ALG6: variants seen among roughly 807,000 people sequenced by gnomAD.
ALG6 encodes ALG6 alpha-1,3-glucosyltransferase.
In ALG6, 46 loss-of-function variants were observed where a neutral mutation model predicts 66.6. The observed-to-expected ratio is 0.69, with a 90% confidence interval of 0.55 to 0.88. The LOEUF is 0.88. Ranked by LOEUF, ALG6 falls within the 40% of genes least tolerant of loss-of-function variation. The pLI, the probability that ALG6 is intolerant of heterozygous loss-of-function variation, is 0.00. For synonymous variants in ALG6, 185 were observed against 203.7 expected (o/e 0.91, Z 0.78); for missense variants, 505 against 586.8 (o/e 0.86, Z 1.44).
At chr1:63,368,778 G>A (rs1414396729) in intron 1 of ALG6, among the ~76,000 whole-genome samples, 8 of 152,270 alleles carry the variant, frequency 5.3e-5, no homozygotes, top group African/African-American at 1.9e-4. Context: ...TGGGATTACA[G>A]GGGTGAACCA....
intron 2 of ALG6, among the ~76,000 whole-genome samples, chr1:63,395,113 C>G (rs1648780950): frequency 6.6e-6 from 1 of 151,898 alleles, no homozygotes; most frequent in African/African-American, 2.4e-5. Context: ...ATCTGCTCAC[C>G]TCGGCCTCCC....
rs370816664 is a variant in ALG6, at chr1:63,416,244, A to G, written c.987+287A>G. 1.9e-3 allele frequency among the ~76,000 whole-genome samples: 292 copies of G among 152,286 alleles called. 12 individuals are homozygous for G. In the South Asian group the frequency reaches 0.059, roughly 31 times the overall value. ...CTTAAGTAGCTTAAATAGTTATGCTATAAAACAGATGGTATTAAGTTCTAT... is the reference window on the plus strand; with the variant it reads ...CTTAAGTAGCTTAAATAGTTATGCTGTAAAACAGATGGTATTAAGTTCTAT... On this transcript the variant is annotated intron_variant, in intron 11 of 14. Transcript: ENST00000263440.
At chr1:63,400,222 C>CGT (rs1491337011) in intron 3 of ALG6, among the ~76,000 whole-genome samples, 3 of 12,248 alleles carry the variant, frequency 2.4e-4, no homozygotes, top group East Asian at 4.4e-3. Context: ...TATATATATA[C>CGT]GTATATATAT....
rs1355331494 is a variant in ALG6, at chr1:63,400,292, T to C, written c.168-1962T>C. 2.4e-4 allele frequency among the ~76,000 whole-genome samples: 4 copies of C among 16,580 alleles called. 1 individual carries two copies. In the Admixed American group the frequency reaches 2.7e-3, roughly 11 times the overall value. 10.9% of individuals were successfully genotyped at this position (16,580 alleles called of 152,430 possible). On this transcript the variant is annotated intron_variant, in intron 3 of 14. Coordinates refer to ENST00000263440, the MANE Select transcript of ALG6 (RefSeq NM_013339.4). Reference sequence around the variant, plus strand: ...ACGTATATATATATACGTATATATATATACGTATATATATGTATATATATA... The same window carrying C: ...ACGTATATATATATACGTATATATACATACGTATATATATGTATATATATA...
At chr1:63,416,062 T>G (rs1030071662) in intron 11 of ALG6, 105 bp downstream of exon 11, 5 of 861,024 alleles carry the variant, frequency 5.8e-6, no homozygotes, top group Non-Finnish European at 7.6e-6. Context: ...AACAAGACAT[T>G]CATTTATTTG....
Position 63,377,174 on chromosome 1 carries a change from C to T in ALG6, c.82+6115C>T, listed in dbSNP as rs554909126. Among the ~76,000 whole-genome samples the T allele has an allele frequency of 1.8e-4, 27 of 152,200 alleles. No homozygotes were observed. In the East Asian group the frequency reaches 5.2e-3, roughly 29 times the overall value. On this transcript the variant is annotated intron_variant, in intron 2 of 14. Coordinates refer to ENST00000263440, the MANE Select transcript of ALG6 (RefSeq NM_013339.4). ...ACGGGGTTTCACCATGTTGGCCAGGCTGGTCTTGAACTCCTGATCTCAGGT... is the reference window on the plus strand; with the variant it reads ...ACGGGGTTTCACCATGTTGGCCAGGTTGGTCTTGAACTCCTGATCTCAGGT...
chr1:63,413,273 A>G (rs1159239213), intron 9 of ALG6, among the ~76,000 whole-genome samples: 6 of 152,226 alleles, frequency 3.9e-5, no homozygotes, highest in African/African-American at 7.2e-5. Flanking sequence ...AGAAAAGTTT[A>G]ACTCTCTATG....
intron 3 of ALG6, among the ~76,000 whole-genome samples, chr1:63,398,629 C>T (rs181088983): frequency 9.9e-5 from 15 of 151,974 alleles, no homozygotes; most frequent in African/African-American, 3.1e-4. Context: ...CCCACCACCA[C>T]GCCTGGCTAA....
intron 2 of ALG6, among the ~76,000 whole-genome samples, chr1:63,388,680 T>A (rs1648579772): frequency 6.6e-6 from 1 of 152,232 alleles, no homozygotes; most frequent in South Asian, 2.1e-4. Context: ...TACCTTCAGA[T>A]GATTTCTTAT....
At position 63,373,657 on chromosome 1, in the gene ALG6, C is replaced by CT. The variant is rs1557578257; in HGVS notation, c.82+2598_82+2599insT. Reference sequence around the variant, plus strand: ...TTATTTTTCAATTTAATTTAATTTACATTTTTTTTTTTTTTTTTTTTGAGA... The same window carrying CT: ...TTATTTTTCAATTTAATTTAATTTACTATTTTTTTTTTTTTTTTTTTTGAGA... On this transcript the variant is annotated intron_variant, in intron 2 of 14. Transcript: ENST00000263440. 6.2e-3 allele frequency among the ~76,000 whole-genome samples: 716 copies of CT among 114,784 alleles called. 25 individuals are homozygous for CT. Among genetic ancestry groups the CT allele is most frequent in the African/African-American group, 0.014 (428 of 30,288 alleles). The allele number at this position is 114,784 out of a possible 152,430, so 75.3% of individuals were successfully genotyped here.
At chr1:63,391,082 C>T (rs1216455507) in intron 2 of ALG6, among the ~76,000 whole-genome samples, 2 of 152,082 alleles carry the variant, frequency 1.3e-5, no homozygotes, top group African/African-American at 2.4e-5. Flanking sequence ...TGCTCTGCCT[C>T]CTCTGTCATA....
At chr1:63,413,531 GAT>G in intron 9 of ALG6, 24 of 155,108 alleles carry the variant, frequency 1.5e-4, no homozygotes, top group South Asian at 6.0e-4. Context: ...GTAGAGAACG[GAT>G]TTCACCACCA....
Position 63,406,384 on chromosome 1 carries a change from C to T in ALG6, c.414C>T (p.Ile138=), listed in dbSNP as rs1326757529. The T allele has an allele frequency of 6.2e-7, 1 of 1,613,008 alleles. No individual in the cohort carries two copies. Among genetic ancestry groups the T allele is most frequent in the South Asian group, 1.1e-5 (1 of 91,052 alleles). ...TGTACTGTTGTTGCTTAAAAGAAAT[C>T]TCAACTAAGAAAAAGGTAGGTTTTC... ...VVLYCCCLKE[I]STKKKIANAL... is the part of the protein sequence containing the mutation. Residue 138 remains isoleucine (I), a synonymous_variant, in exon 6 of 15, where the codon ATC becomes ATT. Transcript: ENST00000263440.
chr1:63,425,945 C>T (rs1037056472), intron 12 of ALG6, among the ~76,000 whole-genome samples: 4 of 151,936 alleles, frequency 2.6e-5, no homozygotes, highest in African/African-American at 7.3e-5. Flanking sequence ...ATCCAAAAGG[C>T]AGGAGATAGT....
Position 63,415,960 on chromosome 1 carries a change from A to G in ALG6, c.987+3A>G, listed in dbSNP as rs753267321. ...CCAAAGGATTCAAATTTACACTGGT[A>G]AGTTTTTCATTACTTTAGATACTTA... On this transcript the variant is annotated splice_donor_region_variant and intron_variant, in intron 11 of 14. Transcript: ENST00000263440. 8.2e-6 allele frequency: 13 copies of G among 1,586,700 alleles called. No individual in the cohort carries two copies. The South Asian group carries it at 1.4e-4, about 18-fold the overall frequency.
intron 6 of ALG6, 44 bp downstream of exon 6, chr1:63,406,443 C>T (rs771922641): frequency 6.7e-7 from 1 of 1,496,174 alleles, no homozygotes; most frequent in Non-Finnish European, 9.3e-7. Flanking sequence ...GAAATGTATT[C>T]TTTATTAGTC....
chr1:63,372,292 A>G (rs999654574), intron 2 of ALG6, among the ~76,000 whole-genome samples: 8 of 152,190 alleles, frequency 5.3e-5, no homozygotes, highest in African/African-American at 1.9e-4. Flanking sequence ...GGGTCATAGG[A>G]AAAAGAGATA....
chr1:63,396,738 C>T (rs906094507), intron 3 of ALG6, 141 bp downstream of exon 3: 4 of 755,684 alleles, frequency 5.3e-6, no homozygotes, highest in African/African-American at 3.5e-5. Flanking sequence ...TATTGCCTTG[C>T]ATTTTGTAGG....
chr1:63,406,201 A>G (rs1644489155), intron 5 of ALG6, 116 bp from the exon 6 acceptor site: 3 of 895,256 alleles, frequency 3.4e-6, no homozygotes, highest in Non-Finnish European at 5.5e-6. Flanking sequence ...ACTTGTCCAT[A>G]GTAGGGCAAG....
Sources: gnomAD v4.1 joint callset for allele counts (sites outside exome capture counted in the v4.1 genomes callset) on GRCh38, gnomAD v4.1.1 for gene constraint, MANE v1.5 for transcripts, NCBI Gene and HGNC (gene_info 2026-07-23, HGNC 2026-07-21) for gene names.